Variants in AZI2 observed in about 807,000 individuals in gnomAD.
The protein encoded by AZI2 is 5-azacytidine induced 2.
In AZI2, 22 loss-of-function variants were observed where a neutral mutation model predicts 45.8. The ratio of observed to expected loss-of-function variants is 0.48; its 90% CI spans 0.34 to 0.69. AZI2 has a LOEUF of 0.69. Ranked by LOEUF, AZI2 falls within the 30% of genes least tolerant of loss-of-function variation. AZI2 has a pLI of 0.01. For synonymous variants in AZI2, 137 were observed against 156.7 expected, an observed-to-expected ratio of 0.87 and a Z score of 0.94; for missense variants, 417 against 441.5, an observed-to-expected ratio of 0.94 and a Z score of 0.50.
chr3:28,326,030 T>G (rs1340913581), intron 7 of AZI2, among the ~76,000 whole-genome samples: 2 of 151,120 alleles, frequency 1.3e-5, no homozygotes, highest in East Asian at 3.9e-4. Flanking sequence ...GAAATATAAA[T>G]AAGTAATTTT....
chr3:28,333,168 T>A (rs151252876), intron 5 of AZI2, among the ~76,000 whole-genome samples: 149 of 151,924 alleles, frequency 9.8e-4, no homozygotes, highest in Middle Eastern at 6.8e-3. Context: ...AATTTTAATT[T>A]TATTATTTCT....
At chr3:28,326,677 T>C (rs1703403225) in intron 7 of AZI2, 155 bp downstream of exon 7, 4 of 727,986 alleles carry the variant, frequency 5.5e-6, no homozygotes, top group East Asian at 2.6e-5. Flanking sequence ...AGTATGAGAC[T>C]GAAGCCAAAG....
rs1177112837 is a variant in AZI2 at position 28,324,331 on chromosome 3, T to A, written c.890A>T (p.His297Leu). 1 of 1,604,764 alleles carries A rather than the reference T, an allele frequency of 6.2e-7. No homozygotes were observed. The change falls in exon 8 of 8, where the codon CAT (histidine) becomes CTT (leucine). Residue 297 changes from histidine (H) to leucine (L), a missense_variant. By Grantham distance (99) the His-to-Leu change is moderately conservative. Coordinates refer to ENST00000479665, the MANE Select transcript of AZI2 (RefSeq NM_022461.5). ...TCCTGGTAAAGGGGAAGATGTGGTATGACAAAGAGCTTTGCCATTTGGTAA... is the reference window on the plus strand; with the variant it reads ...TCCTGGTAAAGGGGAAGATGTGGTAAGACAAAGAGCTTTGCCATTTGGTAA... ...PLLPNGKALC[H>L]TTSSPLPGDV...
At position 28,332,425 on chromosome 3, in the gene AZI2, A is replaced by T. The variant is rs147974643; in HGVS notation, c.591T>A (p.Asp197Glu). The T allele has an allele frequency of 1.1e-5, 17 of 1,607,196 alleles. No homozygotes were observed. The African/African-American group carries it at 1.6e-4, about 15-fold the overall frequency. The change falls in exon 6 of 8, where the codon GAT becomes GAA. Residue 197 changes from aspartate (D) to glutamate (E), a missense_variant and splice_region_variant. Physicochemically the swap from Asp to Glu is conservative, Grantham distance 45. Coordinates refer to ENST00000479665, the MANE Select transcript of AZI2 (RefSeq NM_022461.5). ...TCTTCAGATTGTCTTCCTGATATGG[A>T]TCCTGTCATTTGTTTAAAAAAAAGA... ...KIELQKAKQTDPYQEDNLKSR... is the reference protein window; with the variant it reads ...KIELQKAKQTEPYQEDNLKSR...
chr3:28,338,874 T>C (rs1703902773), intron 2 of AZI2, among the ~76,000 whole-genome samples: 1 of 152,230 alleles, frequency 6.6e-6, no homozygotes, highest in African/African-American at 2.4e-5. Context: ...CATTAAATCA[T>C]CATAATCACA....
At chr3:28,348,142 T>C (rs1479481315) in intron 1 of AZI2, 4 of 152,202 alleles carry the variant, frequency 2.6e-5, no homozygotes, top group Admixed American at 6.5e-5. Context: ...AGGTTAGACA[T>C]TGGAGAAACG....
At chr3:28,328,862 C>A (rs973062354) in intron 6 of AZI2, among the ~76,000 whole-genome samples, 3 of 151,190 alleles carry the variant, frequency 2.0e-5, no homozygotes, top group Non-Finnish European at 3.0e-5. Context: ...TCTACTTGAA[C>A]AAAATGTTTA....
intron 6 of AZI2, among the ~76,000 whole-genome samples, chr3:28,329,311 GTC>G (rs1703493682): frequency 6.6e-6 from 1 of 151,052 alleles, no homozygotes. Context: ...GTTCAAAGCT[GTC>G]TTTCACTTAA....
chr3:28,347,577 C>A (rs1372733576), intron 1 of AZI2, among the ~76,000 whole-genome samples: 1 of 152,154 alleles, frequency 6.6e-6, no homozygotes, highest in Non-Finnish European at 1.5e-5. Context: ...AAAAGTTTAG[C>A]CTCTTACCCA....
At chr3:28,343,688 A>C (rs993160079) in intron 1 of AZI2, among the ~76,000 whole-genome samples, 2 of 152,146 alleles carry the variant, frequency 1.3e-5, no homozygotes, top group South Asian at 4.1e-4. Context: ...TGGAAAGGTA[A>C]AGAAGCTTAG....
chr3:28,345,151 G>C (rs1293786043), intron 1 of AZI2, among the ~76,000 whole-genome samples: 1 of 151,996 alleles, frequency 6.6e-6, no homozygotes, highest in East Asian at 1.9e-4. Flanking sequence ...AGAATATCTG[G>C]GGTGAAAAAC....
chr3:28,335,420 T>C (rs1264154660), intron 5 of AZI2, among the ~76,000 whole-genome samples: 1 of 151,984 alleles, frequency 6.6e-6, no homozygotes, highest in Non-Finnish European at 1.5e-5. Flanking sequence ...TAGAACAGGA[T>C]GCTGAGTCTT....
At chr3:28,327,415 T>G (rs1026067525) in intron 6 of AZI2, among the ~76,000 whole-genome samples, 4 of 151,038 alleles carry the variant, frequency 2.6e-5, no homozygotes, top group Non-Finnish European at 5.9e-5. Context: ...TGAATATATA[T>G]CCAAGTCTAC....
At chr3:28,329,539 G>C (rs542157695) in intron 6 of AZI2, among the ~76,000 whole-genome samples, 3 of 151,216 alleles carry the variant, frequency 2.0e-5, no homozygotes, top group South Asian at 2.1e-4. Flanking sequence ...ACAGCTAAAA[G>C]CCCAGCTTTC....
At chr3:28,343,852 G>GGGTA (rs1171525931) in intron 1 of AZI2, among the ~76,000 whole-genome samples, 3 of 151,940 alleles carry the variant, frequency 2.0e-5, no homozygotes, top group African/African-American at 4.8e-5. Flanking sequence ...ACATGGAAGG[G>GGGTA]GGTATATTGA....
rs1485048750 is a variant in AZI2, at chr3:28,323,989, G to A, written c.*53C>T. ...AGTTTGTTAAATAATTTCTTGGGAG[G>A]ACCACTGAAAGAGATAAGTGTCCTC... is the stretch of plus-strand genomic sequence containing the variant. On this transcript the variant is annotated 3_prime_UTR_variant, in exon 8 of 8. Transcript: ENST00000479665. 1.3e-6 allele frequency: 2 copies of A among 1,502,124 alleles called. No homozygotes were observed. Among genetic ancestry groups the A allele is most frequent in the African/African-American group, 2.8e-5 (2 of 71,024 alleles). The allele number at this position is 1,502,124 out of a possible 1,614,324, so 93.0% of individuals were successfully genotyped here.
intron 6 of AZI2, among the ~76,000 whole-genome samples, chr3:28,331,469 T>C (rs1304357091): frequency 6.6e-6 from 1 of 151,596 alleles, no homozygotes; most frequent in Non-Finnish European, 1.5e-5. Flanking sequence ...GAGACTGTAC[T>C]GCCAGCTCAC....
chr3:28,345,920 TG>T (rs1245184104), intron 1 of AZI2, among the ~76,000 whole-genome samples: 1 of 152,132 alleles, frequency 6.6e-6, no homozygotes, highest in Non-Finnish European at 1.5e-5. Context: ...TCTTTATATC[TG>T]CCATTTATTG....
In AZI2 at chr3:28,321,694, C is replaced by T. The variant is rs2125626631; in HGVS notation, c.*2348G>A. 1 of 151,470 alleles carries T rather than the reference C, an allele frequency of 6.6e-6. No individual in the cohort carries two copies. The highest frequency in any genetic ancestry group is 3.4e-3 in the Middle Eastern group (1 of 294). 9.4% of individuals were successfully genotyped at this position (151,470 alleles called of 1,614,324 possible). On this transcript the variant is annotated 3_prime_UTR_variant, in exon 8 of 8. Transcript: ENST00000479665. ...AGTACTTTGTTGTCACATGATTCAG[C>T]TCTTCAAGTCTGAATTTTCCCATTT...
Sources: allele counts gnomAD v4.1 joint callset (sites outside exome capture counted in the v4.1 genomes callset), GRCh38; gene constraint gnomAD v4.1.1; transcripts MANE v1.5; gene names NCBI Gene and HGNC (gene_info 2026-07-23, HGNC 2026-07-21).